The following LAMC3 variants were observed in gnomAD, a reference collection of about 807,000 sequenced individuals.
LAMC3 encodes the protein laminin subunit gamma-3.
A neutral mutation model predicts 173.8 loss-of-function variants in LAMC3; 128 were observed. That is an observed-to-expected ratio of 0.74 (90% confidence interval 0.64 to 0.85). LAMC3 has a LOEUF of 0.85. Among genes scored for constraint, LAMC3 ranks in the 40% least tolerant of loss-of-function variants. The pLI is 0.00. For synonymous variants in LAMC3, 897 were observed against 909.1 expected (o/e 0.99, Z 0.24); for missense variants, 2,022 against 2,156.0 (o/e 0.94, Z 1.23).
Position 131,061,123 on chromosome 9 carries a change from C to T in LAMC3, c.2247C>T (p.Ala749=), listed in dbSNP as rs769781361. The change falls in exon 13 of 28, where the codon GCC becomes GCT. Residue 749 remains alanine (A), a synonymous_variant. Transcript: ENST00000361069. Reference sequence around the variant, plus strand: ...ATGGCAACCCTTTCGCGGGCCAAGCCGACGACTGCCAGCCCTGTCCCTGCC... The same window carrying T: ...ATGGCAACCCTTTCGCGGGCCAAGCTGACGACTGCCAGCCCTGTCCCTGCC... ...GFYGNPFAGQ[A]DDCQPCPCPG... is the part of the protein sequence containing the mutation. 1.5e-4 allele frequency: 245 copies of T among 1,613,716 alleles called. No individual in the cohort carries two copies. Among genetic ancestry groups the T allele is most frequent in the Non-Finnish European group, 1.9e-4 (220 of 1,180,032 alleles).
chr9:131,085,612 G>C lies in LAMC3; in HGVS notation c.4119G>C (p.Thr1373=), dbSNP rs201780404. The C allele has an allele frequency of 6.2e-7, 1 of 1,614,174 alleles. No individual in the cohort carries two copies. The highest frequency in any genetic ancestry group is 8.5e-7 in the Non-Finnish European group (1 of 1,180,040). ...TCAGTGACAGACTCCTTGCAGACAC[G>C]AGAAAGAAGACCAAGCAGGCGGAGA... ...DSVSDRLLAD[T]RKKTKQAERM... is the part of the protein sequence containing the mutation. The change falls in exon 25 of 28, where the codon ACG becomes ACC. Residue 1373 remains threonine, a synonymous_variant. Coordinates refer to ENST00000361069, the MANE Select transcript of LAMC3 (RefSeq NM_006059.4).
At position 131,093,773 on chromosome 9, in the gene LAMC3, C is replaced by G. The variant is rs1423423427; in HGVS notation, c.*1986C>G. On this transcript the variant is annotated 3_prime_UTR_variant, in exon 28 of 28. Transcript: ENST00000361069. ...TCCCGCCTCTCTTCTTGGTCTGTGT[C>G]TCTGCTCTCCTCTCCTGTATCTGCT... 6.6e-6 allele frequency: 1 copy of G among 152,400 alleles called. No individual in the cohort carries two copies. Among genetic ancestry groups the G allele is most frequent in the South Asian group, 2.1e-4 (1 of 4,840 alleles). The allele number at this position is 152,400 out of a possible 1,614,324, so 9.4% of individuals were successfully genotyped here. A position where few individuals can be genotyped will look rare whatever the true frequency, so the allele number is the denominator to read the frequency against.
intron 12 of LAMC3, among the ~76,000 whole-genome samples, chr9:131,057,598 A>G (rs895148805): frequency 2.6e-5 from 4 of 152,220 alleles, no homozygotes; most frequent in Non-Finnish European, 5.9e-5. Flanking sequence ...CATAGGCACC[A>G]ACCCAGAACC....
intron 3 of LAMC3, among the ~76,000 whole-genome samples, chr9:131,032,635 G>A (rs1182026923): frequency 2.5e-5 from 3 of 120,586 alleles, no homozygotes; most frequent in Non-Finnish European, 5.4e-5. Context: ...ACTCTCTCTT[G>A]CTCTCTCGCT....
intron 23 of LAMC3, among the ~76,000 whole-genome samples, chr9:131,081,443 C>CTCCCTCTA (rs1564390575): frequency 1.4e-5 from 2 of 140,716 alleles, no homozygotes. Context: ...TGTTCCCTCC[C>CTCCCTCTA]TCCCTCCCTC....
Position 131,092,182 on chromosome 9 carries a change from T to G in LAMC3, c.*395T>G. The stretch of plus-strand genomic sequence containing the variant: ...GCTGTTGTGAGAGCCACCTGTGTGC[T>G]GGACACCCTCTGGATGTTGGGCAAG... On this transcript the variant is annotated 3_prime_UTR_variant, in exon 28 of 28. Coordinates refer to ENST00000361069, the MANE Select transcript of LAMC3 (RefSeq NM_006059.4). The G allele has an allele frequency of 3.7e-6, 1 of 268,008 alleles. No homozygotes were observed. Among genetic ancestry groups the G allele is most frequent in the African/African-American group, 2.2e-5 (1 of 45,718 alleles). 16.6% of individuals were successfully genotyped at this position (268,008 alleles called of 1,614,324 possible).
chr9:131,054,717 C>T (rs1274695401), intron 11 of LAMC3, among the ~76,000 whole-genome samples: 2 of 151,022 alleles, frequency 1.3e-5, no homozygotes, highest in Non-Finnish European at 2.9e-5. Context: ...TGCACTCCAG[C>T]CTGGGTAGCA....
At chr9:131,087,400 G>A in intron 25 of LAMC3, 76 bp from the exon 26 acceptor site, 1 of 1,553,532 alleles carries the variant, frequency 6.4e-7, no homozygotes, top group Admixed American at 1.7e-5. Flanking sequence ...TGGCATCATT[G>A]CCATAAGAGC....
chr9:131,052,926 A>AGCCTCC lies in LAMC3; in HGVS notation c.1909_1914dup (p.Leu637_Arg638dup), dbSNP rs1564377307. Reference sequence around the variant, plus strand: ...CCAGCGGCTCCTCGCCAACCTGACCAGCCTCCGCCTCCGCGTCAGTCCCGG... The same window carrying AGCCTCC: ...CCAGCGGCTCCTCGCCAACCTGACCAGCCTCCGCCTCCGCCTCCGCGTCAGTCCCGG... On this transcript the variant is annotated inframe_insertion, in exon 11 of 28. Transcript: ENST00000361069. 6.2e-7 allele frequency: 1 copy of AGCCTCC among 1,613,330 alleles called. No individual in the cohort carries two copies. Among genetic ancestry groups the AGCCTCC allele is most frequent in the South Asian group, 1.1e-5 (1 of 91,058 alleles).
rs33965311 is a variant in LAMC3, at chr9:131,012,062, T to TACACACACACACAC, written c.373+2492_373+2505dup. Among the ~76,000 whole-genome samples, 536 of 138,504 alleles carry TACACACACACACAC rather than the reference T, an allele frequency of 3.9e-3. 6 individuals carry two copies. The highest frequency in any genetic ancestry group is 0.013 in the African/African-American group (481 of 38,282). The allele number at this position is 138,504 out of a possible 152,430, so 90.9% of individuals were successfully genotyped here. On this transcript the variant is annotated intron_variant, in intron 1 of 27. Coordinates refer to ENST00000361069, the MANE Select transcript of LAMC3 (RefSeq NM_006059.4). ...TGTAGAGAGCGAACACACACACACATACACACACACACACACACACACACA... is the reference window on the plus strand; with the variant it reads ...TGTAGAGAGCGAACACACACACACATACACACACACACACACACACACACACACACACACACACA...
Position 131,009,651 on chromosome 9 carries a change from C to G in LAMC3, c.373+64C>G. ...TCCCCACTCCACTGGGGGTCTGAGG[C>G]TGAGGCCTGAGCTGCTGTGCGCCCA... On this transcript the variant is annotated intron_variant, in intron 1 of 27. Coordinates refer to ENST00000361069, the MANE Select transcript of LAMC3 (RefSeq NM_006059.4). This position sits in a 1 kb window ranked among gnomAD's most constrained non-coding sequence, Gnocchi z 4.3. The G allele has an allele frequency of 6.5e-7, 1 of 1,531,956 alleles. No homozygotes were observed. Among genetic ancestry groups the G allele is most frequent in the African/African-American group, 1.4e-5 (1 of 72,736 alleles). 94.9% of individuals were successfully genotyped at this position (1,531,956 alleles called of 1,614,324 possible). A position where few individuals can be genotyped will look rare whatever the true frequency, so the allele number is the denominator to read the frequency against.
intron 12 of LAMC3, among the ~76,000 whole-genome samples, chr9:131,058,131 T>TG (rs924719354): frequency 2.0e-5 from 3 of 151,990 alleles, no homozygotes; most frequent in African/African-American, 4.8e-5. Flanking sequence ...TTATTTTTTG[T>TG]GGGGGGTGAC....
At position 131,072,799 on chromosome 9, in the gene LAMC3, G is replaced by A. The variant is rs758427919; in HGVS notation, c.3381G>A (p.Glu1127=). 1.9e-6 allele frequency: 3 copies of A among 1,613,126 alleles called. No homozygotes were observed. The highest frequency in any genetic ancestry group is 2.5e-6 in the Non-Finnish European group (3 of 1,179,740). The change falls in exon 19 of 28, where the codon GAG becomes GAA. Residue 1127 remains glutamate (E), a synonymous_variant. Transcript: ENST00000361069. Reference sequence around the variant, plus strand: ...AGGCAGTGCTGGAGTCCTCGGAAGAGGAGATTCTGCATGCAGCTGCCATTC... The same window carrying A: ...AGGCAGTGCTGGAGTCCTCGGAAGAAGAGATTCTGCATGCAGCTGCCATTC... ...DLEAVLESSE[E]EILHAAAILA... is the part of the protein sequence containing the mutation.
chr9:131,091,752 C>T lies in LAMC3; in HGVS notation c.4693C>T (p.His1565Tyr). 1.1e-5 allele frequency: 17 copies of T among 1,613,210 alleles called. No homozygotes were observed. Among genetic ancestry groups the T allele is most frequent in the Non-Finnish European group, 1.4e-5 (16 of 1,179,984 alleles). ...ADKQNLEAIL[H>Y]SLPENCASWQ ...CAAACAGAACCTGGAGGCCATTCTGCACAGCCTGCCCGAGAACTGTGCCAG... is the reference window on the plus strand; with the variant it reads ...CAAACAGAACCTGGAGGCCATTCTGTACAGCCTGCCCGAGAACTGTGCCAG... Residue 1565 changes from histidine (H) to tyrosine (Y), a missense_variant, in exon 28 of 28, where the codon CAC (histidine) becomes TAC (tyrosine). Transcript: ENST00000361069.
At chr9:131,079,351 G>A in intron 23 of LAMC3, 53 bp downstream of exon 23, 1 of 1,607,422 alleles carries the variant, frequency 6.2e-7, no homozygotes, top group Middle Eastern at 1.7e-4. Context: ...GGGCTACCCT[G>A]AAGGTGATCC....
At chr9:131,051,967 C>T (rs1834295826) in intron 9 of LAMC3, among the ~76,000 whole-genome samples, 1 of 152,196 alleles carries the variant, frequency 6.6e-6, no homozygotes, top group Non-Finnish European at 1.5e-5. Context: ...AAAACTAGTG[C>T]CTTCTTTCCG....
At chr9:131,047,054 C>T (rs1477111922) in intron 8 of LAMC3, among the ~76,000 whole-genome samples, 1 of 152,092 alleles carries the variant, frequency 6.6e-6, no homozygotes, top group African/African-American at 2.4e-5. Flanking sequence ...GATCTGTTCT[C>T]ACATTGGGCC....
At chr9:131,027,597 A>G (rs1833746490) in intron 2 of LAMC3, among the ~76,000 whole-genome samples, 2 of 151,594 alleles carry the variant, frequency 1.3e-5, no homozygotes, top group Non-Finnish European at 1.5e-5. Flanking sequence ...TTCATATTTT[A>G]TTATTAATAT....
chr9:131,071,456 A>G, intron 17 of LAMC3, 28 bp from the exon 18 acceptor site: 3 of 1,592,428 alleles, frequency 1.9e-6, no homozygotes, highest in Non-Finnish European at 2.6e-6. Context: ...CACCAGCCTC[A>G]TACACCTTTT....
Sources: gnomAD v4.1 joint callset for allele counts (sites outside exome capture counted in the v4.1 genomes callset) on GRCh38, gnomAD v4.1.1 for gene constraint, Gnocchi (gnomAD v3.1) non-coding constraint, MANE v1.5 for transcripts, NCBI Gene and HGNC (gene_info 2026-07-23, HGNC 2026-07-21) for gene names.